The following LYRM9 variants were observed in gnomAD, a reference collection of about 807,000 sequenced individuals.
The protein encoded by LYRM9 is LYR motif containing 9.
In LYRM9, 14 loss-of-function variants were observed where a neutral mutation model predicts 12.6. That is an observed-to-expected ratio of 1.11 (90% CI 0.73 to 1.73). LYRM9 has a LOEUF of 1.73. Ranked by LOEUF, LYRM9 falls within the 40% of genes most tolerant of loss-of-function variation. LYRM9 has a pLI of 0.00. For synonymous variants in LYRM9, 42 were observed against 35.1 expected (o/e 1.20, Z -0.69); for missense variants, 94 against 95.0 (o/e 0.99, Z 0.04).
At chr17:27,889,924 G>A (rs546793755) in intron 1 of LYRM9, among the ~76,000 whole-genome samples, 50 of 152,154 alleles carry the variant, frequency 3.3e-4, no homozygotes, top group African/African-American at 1.1e-3. Context: ...CTGCAAAGCC[G>A]ATGGCTCCCA....
rs1274655376 is a variant in LYRM9 at position 27,893,326 on chromosome 17, G to C, written c.-28C>G. 6.6e-6 allele frequency: 1 copy of C among 152,364 alleles called. No individual in the cohort carries two copies. Among genetic ancestry groups the C allele is most frequent in the Non-Finnish European group, 1.5e-5 (1 of 68,036 alleles). 9.4% of individuals were successfully genotyped at this position (152,364 alleles called of 1,614,324 possible). Reference sequence around the variant, plus strand: ...GCGCAGCGCGGCTCACCAGCCTCCAGGGGAACGCCAGCCCCGGACGCCGCC... The same window carrying C: ...GCGCAGCGCGGCTCACCAGCCTCCACGGGAACGCCAGCCCCGGACGCCGCC... On this transcript the variant is annotated 5_prime_UTR_variant, in exon 1 of 4. Coordinates refer to ENST00000379102, the MANE Select transcript of LYRM9 (RefSeq NM_001076680.3).
At chr17:27,883,907 C>A (rs973402100) in intron 1 of LYRM9, among the ~76,000 whole-genome samples, 1 of 125,674 alleles carries the variant, frequency 8.0e-6, no homozygotes, top group African/African-American at 3.0e-5. Context: ...TAATGAACTT[C>A]ATATACTTAA....
At position 27,878,772 on chromosome 17, in the gene LYRM9, C is replaced by T. The variant is rs1904931323; in HGVS notation, c.*701G>A. 2.0e-5 allele frequency: 3 copies of T among 152,186 alleles called. No individual in the cohort carries two copies. Among genetic ancestry groups the T allele is most frequent in the African/African-American group, 7.2e-5 (3 of 41,412 alleles). 9.4% of individuals were successfully genotyped at this position (152,186 alleles called of 1,614,324 possible). On this transcript the variant is annotated 3_prime_UTR_variant, in exon 4 of 4. Coordinates refer to ENST00000379102, the MANE Select transcript of LYRM9 (RefSeq NM_001076680.3). Reference sequence around the variant, plus strand: ...AAGGCAAGGCCCAGGGCTTTGACTTCCCTAGGCATGGAGAGACAGTAGTCA... The same window carrying T: ...AAGGCAAGGCCCAGGGCTTTGACTTTCCTAGGCATGGAGAGACAGTAGTCA...
intron 3 of LYRM9, chr17:27,879,853 A>C: frequency 1.8e-6 from 1 of 567,354 alleles, no homozygotes; most frequent in Admixed American, 3.3e-5. Flanking sequence ...CCCTTCCTCC[A>C]CCAAAACATA....
intron 1 of LYRM9, among the ~76,000 whole-genome samples, chr17:27,887,779 A>C (rs1905287458): frequency 6.6e-6 from 1 of 151,340 alleles, no homozygotes. Flanking sequence ...ACAGAGGTTT[A>C]TTACCATGAA....
chr17:27,879,292 T>C lies in LYRM9; in HGVS notation c.*181A>G, dbSNP rs1904953368. ...TCGTAAGTGGCTGGAAGTGCAAACA[T>C]AAAGGATGCTAGCAACATGGCCGCG... On this transcript the variant is annotated 3_prime_UTR_variant, in exon 4 of 4. Coordinates refer to ENST00000379102, the MANE Select transcript of LYRM9 (RefSeq NM_001076680.3). 3.8e-6 allele frequency: 2 copies of C among 519,702 alleles called. No homozygotes were observed. Among genetic ancestry groups the C allele is most frequent in the Non-Finnish European group, 6.5e-6 (2 of 309,066 alleles). The allele number at this position is 519,702 out of a possible 1,614,324, so 32.2% of individuals were successfully genotyped here. A position where few individuals can be genotyped will look rare whatever the true frequency, so the allele number is the denominator to read the frequency against.
In LYRM9 at chr17:27,882,173, G is replaced by A. The variant is rs1040800209; in HGVS notation, c.126+396C>T. ...CAAAAATGTCAGCGTTGTGTTTCAC[G>A]ACACTGACATTTTTGATGAGTACAG... is the stretch of plus-strand genomic sequence containing the variant. On this transcript the variant is annotated intron_variant, in intron 2 of 3. Transcript: ENST00000379102. 1.1e-4 allele frequency among the ~76,000 whole-genome samples: 16 copies of A among 152,166 alleles called. No individual in the cohort carries two copies. In the South Asian group the frequency reaches 1.2e-3, roughly 12 times the overall value.
chr17:27,892,511 G>T, intron 1 of LYRM9: 1 of 425,600 alleles, frequency 2.3e-6, no homozygotes, highest in South Asian at 1.7e-5. Flanking sequence ...GGTGAACCCA[G>T]AAAACATTAC....
intron 2 of LYRM9, chr17:27,880,946 A>T (rs1905029714): frequency 6.5e-6 from 1 of 152,882 alleles, no homozygotes; most frequent in East Asian, 1.9e-4. Context: ...TTGCTTTTCA[A>T]AAAGAACTGG....
intron 1 of LYRM9, among the ~76,000 whole-genome samples, chr17:27,887,716 GTGTGTGTGTGT>G (rs1567665219): frequency 0.035 from 4,016 of 115,790 alleles, 73 homozygotes; most frequent in South Asian, 0.063. Flanking sequence ...GAGGGAGGGT[GTGTGTGTGTGT>G]GTGTGTGTGT....
intron 1 of LYRM9, chr17:27,892,544 C>A (rs375667085): frequency 2.5e-6 from 1 of 393,096 alleles, no homozygotes; most frequent in East Asian, 7.4e-5. Flanking sequence ...AACCCAGTCA[C>A]AAGGGGCTAC....
At chr17:27,882,860 G>C in intron 1 of LYRM9, 148 bp from the exon 2 acceptor site, 2 of 879,872 alleles carry the variant, frequency 2.3e-6, no homozygotes, top group Non-Finnish European at 3.6e-6. Context: ...CCTTGGGGTG[G>C]GGTGGGCATT....
chr17:27,892,271 C>A, intron 1 of LYRM9: 1 of 378,594 alleles, frequency 2.6e-6, no homozygotes. Flanking sequence ...GCTTTCTGTT[C>A]CTTGCTGACT....
At chr17:27,879,524 A>G in intron 3 of LYRM9, 34 bp from the exon 4 acceptor site, 1 of 1,551,270 alleles carries the variant, frequency 6.4e-7, no homozygotes, top group Non-Finnish European at 8.7e-7. Context: ...TGGAGGAGGG[A>G]AGCCAACAGG....
chr17:27,882,823 CT>C (rs1905108167), intron 1 of LYRM9, 111 bp from the exon 2 acceptor site: 1 of 1,210,048 alleles, frequency 8.3e-7, no homozygotes, highest in African/African-American at 1.5e-5. Context: ...GCAGAGGCCC[CT>C]CCTGTCCCAT....
chr17:27,882,575 G>T lies in LYRM9; in HGVS notation c.120C>A (p.Val40=). ...KGIQQHYKHA[V]RQSFRVHSDE... is the part of the protein sequence containing the mutation. ...TGGTAGAGCCAGCTCGCACCTGCCTGACAGCATGCTTGTAATGCTGCTGGA... is the reference window on the plus strand; with the variant it reads ...TGGTAGAGCCAGCTCGCACCTGCCTTACAGCATGCTTGTAATGCTGCTGGA... The change falls in exon 2 of 4, where the codon GTC becomes GTA. Residue 40 remains valine, a synonymous_variant. Coordinates refer to ENST00000379102, the MANE Select transcript of LYRM9 (RefSeq NM_001076680.3). 1 of 1,590,154 alleles carries T rather than the reference G, an allele frequency of 6.3e-7. No homozygotes were observed. Among genetic ancestry groups the T allele is most frequent in the South Asian group, 1.1e-5 (1 of 87,250 alleles).
Position 27,882,601 on chromosome 17 carries a change from T to C in LYRM9, c.94A>G (p.Ile32Val), listed in dbSNP as rs778989607. 3 of 1,597,210 alleles carry C rather than the reference T, an allele frequency of 1.9e-6. No homozygotes were observed. The South Asian group carries it at 3.4e-5, about 18-fold the overall frequency. Residue 32 changes from isoleucine (I) to valine (V), a missense_variant, in exon 2 of 4, where the codon ATC becomes GTC. Physicochemically the swap from Ile to Val is conservative, Grantham distance 29. Coordinates refer to ENST00000379102, the MANE Select transcript of LYRM9 (RefSeq NM_001076680.3). The part of the protein sequence containing the change: ...RCCQQLPTKG[I>V]QQHYKHAVRQ... ...ACAGCATGCTTGTAATGCTGCTGGA[T>C]GCCCTTGGTCGGCAGCTGCTGGCAA...
intron 2 of LYRM9, chr17:27,880,729 AG>A (rs1289799944): frequency 1.0e-5 from 3 of 294,042 alleles, no homozygotes; most frequent in Non-Finnish European, 6.4e-6. Flanking sequence ...TGCTTTCCCC[AG>A]GGTGAGATCT....
chr17:27,880,203 TC>T, intron 3 of LYRM9, 70 bp downstream of exon 3: 1 of 1,217,464 alleles, frequency 8.2e-7, no homozygotes, highest in Non-Finnish European at 1.2e-6. Flanking sequence ...AGGAGTGGCC[TC>T]TAGTGGTCAT....
Sources: gnomAD v4.1 joint callset for allele counts (sites outside exome capture counted in the v4.1 genomes callset) on GRCh38, gnomAD v4.1.1 for gene constraint, MANE v1.5 for transcripts, NCBI Gene and HGNC (gene_info 2026-07-23, HGNC 2026-07-21) for gene names.